OTOGL: variants seen among roughly 807,000 people sequenced by gnomAD.
The protein encoded by OTOGL is otogelin like, also known as otogelin-like protein.
OTOGL carries 285 observed loss-of-function variants against 318.5 expected under a neutral mutation model. The ratio of observed to expected loss-of-function variants is 0.89; its 90% CI spans 0.81 to 0.99. OTOGL has a LOEUF of 0.99. Among genes scored for constraint, OTOGL ranks in the 50% least tolerant of loss-of-function variants. The pLI is 0.00. For synonymous variants in OTOGL, 987 were observed against 936.5 expected (o/e 1.05, Z -0.99); for missense variants, 2,899 against 2,845.6 (o/e 1.02, Z -0.43).
Position 80,257,994 on chromosome 12 carries a change from T to C in OTOGL, c.1881T>C (p.Asp627=). The change falls in exon 18 of 59, where the codon GAT becomes GAC. Residue 627 remains aspartate, a synonymous_variant. Coordinates refer to ENST00000547103, the MANE Select transcript of OTOGL (RefSeq NM_001378609.3). ...LCGTFNGNIR[D]DFLSPSGMIE... Reference sequence around the variant, plus strand: ...GCACTTTTAATGGCAACATAAGGGATGATTTTCTGTAAGTATGATTTCTGC... The same window carrying C: ...GCACTTTTAATGGCAACATAAGGGACGATTTTCTGTAAGTATGATTTCTGC... 1 of 1,579,786 alleles carries C rather than the reference T, an allele frequency of 6.3e-7. No individual in the cohort carries two copies. Among genetic ancestry groups the C allele is most frequent in the Non-Finnish European group, 8.5e-7 (1 of 1,173,706 alleles).
intron 21 of OTOGL, 127 bp downstream of exon 21, chr12:80,266,743 A>G (rs1883008915): frequency 1.0e-6 from 1 of 974,092 alleles, no homozygotes; most frequent in Non-Finnish European, 1.5e-6. Flanking sequence ...TTTTTAAAAA[A>G]CCCTGCAAAT....
intron 1 of OTOGL, among the ~76,000 whole-genome samples, chr12:80,136,925 A>C (rs1350258160): frequency 2.0e-5 from 3 of 151,860 alleles, no homozygotes; most frequent in Non-Finnish European, 4.4e-5. Flanking sequence ...GTTTTTATCT[A>C]TTTTGTTTGC....
intron 55 of OTOGL, among the ~76,000 whole-genome samples, chr12:80,370,028 A>C (rs984283383): frequency 1.3e-5 from 2 of 152,038 alleles, no homozygotes; most frequent in Admixed American, 6.6e-5. Context: ...AATAGGGATA[A>C]ATTTTAAAAT....
chr12:80,374,469 C>G (rs1891071663), intron 57 of OTOGL, among the ~76,000 whole-genome samples: 1 of 152,056 alleles, frequency 6.6e-6, no homozygotes, highest in Admixed American at 6.6e-5. Flanking sequence ...TTTTTAATTA[C>G]TAAGGCTTTA....
intron 3 of OTOGL, 21 bp downstream of exon 3, chr12:80,210,907 G>A (rs565543193): frequency 1.7e-4 from 251 of 1,444,492 alleles, no homozygotes; most frequent in African/African-American, 1.1e-3. Flanking sequence ...CTTGTTCTTC[G>A]TGTCCTCTAA....
intron 17 of OTOGL, 61 bp downstream of exon 17, chr12:80,256,521 C>CAAA: frequency 1.3e-6 from 2 of 1,511,398 alleles, no homozygotes. Context: ...AACAAACAAA[C>CAAA]AACACACGCA....
At chr12:80,129,506 A>G (rs1043601168) in intron 1 of OTOGL, among the ~76,000 whole-genome samples, 1 of 152,224 alleles carries the variant, frequency 6.6e-6, no homozygotes, top group Non-Finnish European at 1.5e-5. Flanking sequence ...TGTCAAAAAT[A>G]TCAACTAATA....
At position 80,353,343 on chromosome 12, in the gene OTOGL, G is replaced by A. The variant is rs747588438; in HGVS notation, c.5426G>A (p.Gly1809Glu). The A allele has an allele frequency of 1.9e-6, 3 of 1,575,122 alleles. No individual in the cohort carries two copies. ...PDYCSLSCPE[G>E]KEYQPCVRPC... ...TTCAAAGCCCTGAGTTGCCCAGAGG[G>A]GAAGGAATATCAACCCTGTGTGCGA... The change falls in exon 46 of 59, where the codon GGG (glycine) becomes GAG (glutamate). Residue 1809 changes from glycine (G) to glutamate (E), a missense_variant. Gly to Glu is a moderately conservative substitution (Grantham distance 98). Around this residue, in one of 3 missense-constraint regions of OTOGL, gnomAD observed 2,607 missense variants for 2,524.9 expected, o/e 1.03. Transcript: ENST00000547103.
intron 29 of OTOGL, among the ~76,000 whole-genome samples, chr12:80,307,841 G>T (rs1886289022): frequency 7.3e-6 from 1 of 137,726 alleles, no homozygotes; most frequent in African/African-American, 3.0e-5. Flanking sequence ...CTCACCTCCC[G>T]GACAGGGCGG....
At chr12:80,239,052 AT>A (rs1449667718) in intron 10 of OTOGL, 74 bp downstream of exon 10, 3 of 1,416,612 alleles carry the variant, frequency 2.1e-6, no homozygotes, top group East Asian at 5.1e-5. Context: ...TTAACTAAGC[AT>A]TTTTTAGTGT....
At chr12:80,107,055 C>CT (rs1869497537) in intron 1 of OTOGL, among the ~76,000 whole-genome samples, 1 of 151,984 alleles carries the variant, frequency 6.6e-6, no homozygotes, top group Non-Finnish European at 1.5e-5. Context: ...TATCATCTGC[C>CT]TGATATTGAC....
chr12:80,154,120 C>G (rs138325555), intron 1 of OTOGL, among the ~76,000 whole-genome samples: 1 of 152,070 alleles, frequency 6.6e-6, no homozygotes, highest in African/African-American at 2.4e-5. Context: ...ACCAGCCTGG[C>G]CAACATGGCA....
chr12:80,167,946 C>T (rs562965357), intron 1 of OTOGL, among the ~76,000 whole-genome samples: 33 of 151,902 alleles, frequency 2.2e-4, no homozygotes, highest in Middle Eastern at 3.4e-3. Flanking sequence ...CTTTTCTCCT[C>T]TCCTCTCCTT....
chr12:80,154,300 C>T (rs1238104181), intron 1 of OTOGL, among the ~76,000 whole-genome samples: 1 of 151,848 alleles, frequency 6.6e-6, no homozygotes, highest in Non-Finnish European at 1.5e-5. Flanking sequence ...CAGAGCAAGA[C>T]TCAGTTAAAA....
chr12:80,318,692 CT>C lies in OTOGL; in HGVS notation c.3785del (p.Phe1262SerfsTer8), dbSNP rs866407163. On this transcript the variant is annotated frameshift_variant, in exon 33 of 59. Transcript: ENST00000547103. LOFTEE classifies it high-confidence loss of function. ...TTTTTATTTTATGATCACTCCAGGC[CT>C]TTTCAAAGAGAAGGTATCATGTAAG... ...LFFYFMITPG[L>X]FKEKVSSLAL... 6 of 1,323,938 alleles carry C rather than the reference CT, an allele frequency of 4.5e-6. No individual in the cohort carries two copies. The highest frequency in any genetic ancestry group is 1.5e-5 in the African/African-American group (1 of 65,366). The allele number at this position is 1,323,938 out of a possible 1,614,324, so 82.0% of individuals were successfully genotyped here. A position where few individuals can be genotyped will look rare whatever the true frequency, so the allele number is the denominator to read the frequency against.
chr12:80,278,116 A>G, intron 24 of OTOGL, 52 bp from the exon 25 acceptor site: 1 of 1,362,738 alleles, frequency 7.3e-7, no homozygotes. Flanking sequence ...TGATATTTTA[A>G]AACTGAAAAC....
chr12:80,217,574 C>T (rs1877858964), intron 4 of OTOGL, 24 bp from the exon 5 acceptor site: 4 of 1,447,370 alleles, frequency 2.8e-6, no homozygotes, highest in Non-Finnish European at 3.8e-6. Context: ...AACTGTATTG[C>T]ATTCTCATTT....
At chr12:80,198,587 T>C (rs1592538348) in intron 1 of OTOGL, among the ~76,000 whole-genome samples, 2 of 151,300 alleles carry the variant, frequency 1.3e-5, no homozygotes, top group African/African-American at 4.8e-5. Context: ...CATCTCCAAA[T>C]AATAATAATA....
Position 80,115,902 on chromosome 12 carries a change from C to G in OTOGL, c.-20+16297C>G, listed in dbSNP as rs942378397. Among the ~76,000 whole-genome samples the G allele has an allele frequency of 3.3e-5, 5 of 152,188 alleles. No homozygotes were observed. The South Asian group carries it at 1.0e-3, about 32-fold the overall frequency. ...CAGTAATGGTGGACACCCCTCCCCC[C>G]ACCAAGCTTCAGTGTCCCAAGTTGA... is the stretch of plus-strand genomic sequence containing the variant. On this transcript the variant is annotated intron_variant, in intron 1 of 58. Transcript: ENST00000547103.
Sources: allele counts gnomAD v4.1 joint callset (sites outside exome capture counted in the v4.1 genomes callset), GRCh38; gene constraint gnomAD v4.1.1; regional missense constraint gnomAD v4.1.1; transcripts MANE v1.5; gene names NCBI Gene and HGNC (gene_info 2026-07-23, HGNC 2026-07-21).